FABP6: variants seen among roughly 807,000 people sequenced by gnomAD.
FABP6 encodes gastrotropin.
FABP6 carries 13 observed loss-of-function variants against 14.9 expected under a neutral mutation model. That is an observed-to-expected ratio of 0.87 (90% CI 0.57 to 1.39). FABP6 has a LOEUF of 1.39. FABP6 is among the 40% of genes most tolerant of loss of function. The pLI is 0.00. For synonymous variants in FABP6, 75 were observed against 63.6 expected (o/e 1.18, Z -0.85); for missense variants, 161 against 167.2 (o/e 0.96, Z 0.20).
chr5:160,233,555 A>G (rs1760438206), intron 2 of FABP6, among the ~76,000 whole-genome samples: 1 of 152,002 alleles, frequency 6.6e-6, no homozygotes, highest in Non-Finnish European at 1.5e-5. Flanking sequence ...AGAAGAAAAA[A>G]TGCAGTCATT....
chr5:160,232,861 C>A (rs1760420909), intron 2 of FABP6, among the ~76,000 whole-genome samples: 1 of 151,524 alleles, frequency 6.6e-6, no homozygotes, highest in Non-Finnish European at 1.5e-5. Context: ...CATGCCACTG[C>A]ACTCCAGCCT....
At chr5:160,198,395 C>G (rs1383221777) in intron 1 of FABP6, 1 of 152,486 alleles carries the variant, frequency 6.6e-6, no homozygotes, top group Non-Finnish European at 1.5e-5. Context: ...CTCGCCCCAT[C>G]AGCCGCCACC....
At chr5:160,229,196 T>C (rs1319389749), upstream of FABP6, among the ~76,000 whole-genome samples, 1 of 152,126 alleles carries the variant, frequency 6.6e-6, no homozygotes, top group Non-Finnish European at 1.5e-5. Flanking sequence ...GCTGCAGAGT[T>C]AGAGGGTGCA....
chr5:160,202,262 A>G (rs1175052733), intron 2 of FABP6, among the ~76,000 whole-genome samples: 2 of 152,182 alleles, frequency 1.3e-5, no homozygotes, highest in Non-Finnish European at 2.9e-5. Context: ...AAGGGACCTG[A>G]ACTAGCCTGG....
chr5:160,228,984 C>T (rs1206792792), upstream of FABP6, among the ~76,000 whole-genome samples: 1 of 152,200 alleles, frequency 6.6e-6, no homozygotes, highest in African/African-American at 2.4e-5. Context: ...CTGCGCTGGA[C>T]ACCATTGCTC....
At chr5:160,187,938 GGC>G in intron 1 of FABP6, among the ~76,000 whole-genome samples, 1 of 152,152 alleles carries the variant, frequency 6.6e-6, no homozygotes, top group East Asian at 1.9e-4. Context: ...TTTTAGTAGA[GGC>G]AGGGTTTCTC....
intron 1 of FABP6, chr5:160,197,780 C>CG (rs1554111867): frequency 1.3e-3 from 2 of 1,530 alleles, no homozygotes; most frequent in African/African-American, 0.021. Context: ...CTGCAGGAAG[C>CG]GAGAGGCAGT....
intron 1 of FABP6, among the ~76,000 whole-genome samples, chr5:160,194,390 C>A (rs192456709): frequency 6.6e-6 from 1 of 152,134 alleles, no homozygotes; most frequent in African/African-American, 2.4e-5. Context: ...CCTCAAGTGC[C>A]GCCAAAGTGG....
At chr5:160,234,665 G>T (rs1760467943) in intron 2 of FABP6, among the ~76,000 whole-genome samples, 155 bp from the exon 3 acceptor site, 3 of 152,096 alleles carry the variant, frequency 2.0e-5, no homozygotes, top group Admixed American at 2.0e-4. Context: ...GACCTCAAGT[G>T]ATCCGCCTGC....
chr5:160,220,237 A>T (rs116372956), intron 3 of FABP6, among the ~76,000 whole-genome samples: 1 of 152,188 alleles, frequency 6.6e-6, no homozygotes, highest in African/African-American at 2.4e-5. Context: ...GAAATGCTAG[A>T]TCCTGTACTA....
At position 160,234,849 on chromosome 5, in the gene FABP6, GGTGGT is replaced by G. The variant is rs1275207463; in HGVS notation, c.275_279del (p.Val92GlufsTer14). 2.5e-6 allele frequency: 4 copies of G among 1,611,256 alleles called. No homozygotes were observed. Among genetic ancestry groups the G allele is most frequent in the Non-Finnish European group, 3.4e-6 (4 of 1,178,616 alleles). On this transcript the variant is annotated frameshift_variant, in exon 3 of 4. Transcript: ENST00000402432. LOFTEE classifies it high-confidence loss of function. The stretch of plus-strand genomic sequence containing the variant: ...CTGTGCAGATGGAGGGCGGGAAGCT[GGTGGT>G]GAATTTCCCCAACTATCACCAGACC...
intron 2 of FABP6, among the ~76,000 whole-genome samples, chr5:160,232,801 G>T (rs1054809632): frequency 6.6e-6 from 1 of 151,858 alleles, no homozygotes; most frequent in Admixed American, 6.6e-5. Flanking sequence ...GGAGGCTGAG[G>T]CAGGGGAATC....
upstream of FABP6, among the ~76,000 whole-genome samples, chr5:160,229,015 G>C (rs1260689797): frequency 6.6e-6 from 1 of 152,146 alleles, no homozygotes; most frequent in Non-Finnish European, 1.5e-5. Context: ...CTCCAGGTCA[G>C]CCATCTGCTT....
At chr5:160,226,301 G>A (rs945330228), upstream of FABP6, among the ~76,000 whole-genome samples, 2 of 151,678 alleles carry the variant, frequency 1.3e-5, no homozygotes, top group Admixed American at 6.6e-5. Context: ...GGTGGCTCAC[G>A]CCTGTAGTTC....
intron 2 of FABP6, among the ~76,000 whole-genome samples, chr5:160,212,554 C>T (rs551831762): frequency 6.6e-6 from 1 of 151,218 alleles, no homozygotes; most frequent in African/African-American, 2.4e-5. Context: ...CTGCAAGCTC[C>T]GCCTCCCAGG....
intron 3 of FABP6, among the ~76,000 whole-genome samples, chr5:160,224,410 G>T (rs779648488): frequency 2.0e-5 from 3 of 152,084 alleles, no homozygotes; most frequent in Non-Finnish European, 4.4e-5. Flanking sequence ...GTGACAGAGG[G>T]AGACCCTGTC....
At chr5:160,230,346 C>T (rs553126965) in intron 1 of FABP6, among the ~76,000 whole-genome samples, 1 of 151,926 alleles carries the variant, frequency 6.6e-6, no homozygotes, top group South Asian at 2.1e-4. Flanking sequence ...TTTATTTAGT[C>T]AAACATGTAT....
intron 3 of FABP6, among the ~76,000 whole-genome samples, chr5:160,218,463 T>C (rs986151802): frequency 1.6e-5 from 2 of 124,016 alleles, no homozygotes; most frequent in Non-Finnish European, 3.4e-5. Flanking sequence ...GTCTTTGACT[T>C]TTTTTTTTTT....
At chr5:160,197,954 A>ATGTGTGTGTGTG (rs1554111886) in intron 1 of FABP6, 2 of 100,156 alleles carry the variant, frequency 2.0e-5, no homozygotes, top group African/African-American at 3.5e-5. Context: ...GTGTGTGTGT[A>ATGTGTGTGTGTG]TGTGTGTGTG....
Sources: allele counts gnomAD v4.1 joint callset (sites outside exome capture counted in the v4.1 genomes callset), GRCh38; gene constraint gnomAD v4.1.1; transcripts MANE v1.5; gene names NCBI Gene and HGNC (gene_info 2026-07-23, HGNC 2026-07-21).